Variants in ZNF709 observed in about 807,000 individuals in gnomAD.
The protein encoded by ZNF709 is zinc finger protein 709.
Under a neutral mutation model 10.6 loss-of-function variants are expected in ZNF709, and 15 were observed. The ratio of observed to expected loss-of-function variants is 1.41; its 90% CI spans 0.95 to 2.18. The LOEUF is 2.18. Among genes scored for constraint, ZNF709 ranks in the 30% most tolerant of loss-of-function variants. The pLI, the probability that ZNF709 is intolerant of heterozygous loss-of-function variation, is 0.00. For missense variants in ZNF709, 589 were observed against 774.0 expected (o/e 0.76, Z 2.84); for synonymous variants, 194 against 238.8 (o/e 0.81, Z 1.73).
chr19:12,477,825 T>G (rs1970688938), intron 1 of ZNF709, among the ~76,000 whole-genome samples: 1 of 152,182 alleles, frequency 6.6e-6, no homozygotes, highest in Admixed American at 6.5e-5. Flanking sequence ...ATGTTTGTTT[T>G]GTTTTTGTTT....
At chr19:12,469,369 G>A (rs75712284) in intron 1 of ZNF709, among the ~76,000 whole-genome samples, 2,056 of 152,276 alleles carry the variant, frequency 0.014, 36 homozygotes, top group African/African-American at 0.046. Flanking sequence ...ATTTATCACA[G>A]ACCCAGTGTT....
At position 12,464,303 on chromosome 19, in the gene ZNF709, G is replaced by A. The variant is rs202242871; in HGVS notation, c.1619C>T (p.Ala540Val). 1.4e-5 allele frequency: 22 copies of A among 1,606,672 alleles called. No individual in the cohort carries two copies. Among genetic ancestry groups the A allele is most frequent in the Admixed American group, 8.5e-5 (5 of 58,984 alleles). ...TCGAATGGAACTGGAACAACTAAAC[G>A]CCTTACCACACTGTTTACATTCATA... ...KPYECKQCGKAFSCSSSIRIH... is the reference protein window; with the variant it reads ...KPYECKQCGKVFSCSSSIRIH... The change falls in exon 4 of 4, where the codon GCG becomes GTG. Residue 540 changes from alanine to valine, a missense_variant. By Grantham distance (64) the Ala-to-Val change is moderately conservative. This residue lies in a region of ZNF709 where 171 missense variants were observed against 277.7 expected (regional missense o/e 0.62). Transcript: ENST00000397732.
chr19:12,469,528 G>GAAGGTC (rs1970615957), intron 1 of ZNF709, among the ~76,000 whole-genome samples: 2 of 152,016 alleles, frequency 1.3e-5, no homozygotes, highest in Non-Finnish European at 2.9e-5. Context: ...CAGCACTTTG[G>GAAGGTC]GAGGCTGAGA....
At chr19:12,466,564 C>T (rs980133831) in intron 2 of ZNF709, 45 bp from the exon 3 acceptor site, 2 of 1,609,396 alleles carry the variant, frequency 1.2e-6, no homozygotes, top group Non-Finnish European at 8.5e-7. Flanking sequence ...TTCGAAATTA[C>T]AGAAAAATTA....
rs1442611135 is a variant in ZNF709, at chr19:12,463,725, G to A, written c.*271C>T. 11 of 248,040 alleles carry A rather than the reference G, an allele frequency of 4.4e-5. No homozygotes were observed. Among genetic ancestry groups the A allele is most frequent in the Admixed American group, 1.1e-4 (2 of 18,588 alleles). The allele number at this position is 248,040 out of a possible 1,614,324, so 15.4% of individuals were successfully genotyped here. On this transcript the variant is annotated 3_prime_UTR_variant, in exon 4 of 4. Transcript: ENST00000397732. ...GTGGATCGTCTGAGGTCAGGAGTTC[G>A]AGACCAGCCTGGCCAACATGGCGAA... is the stretch of plus-strand genomic sequence containing the variant.
In ZNF709 at chr19:12,465,239, T is replaced by G; in HGVS notation, c.683A>C (p.Glu228Ala). The G allele has an allele frequency of 6.2e-7, 1 of 1,613,044 alleles. No homozygotes were observed. Among genetic ancestry groups the G allele is most frequent in the Non-Finnish European group, 8.5e-7 (1 of 1,179,130 alleles). ...GGGATGACTGAACGTTTTCCCGCAT[T>G]CTTTACATTTATAGGGTTTCTCCCC... ...HTGEKPYKCK[E>A]CGKTFSHPSS... Residue 228 changes from glutamate to alanine, a missense_variant, in exon 4 of 4, where the codon GAA (glutamate) becomes GCA (alanine). Glu to Ala is a moderately radical substitution (Grantham distance 107). Around this residue, in one of 2 missense-constraint regions of ZNF709, gnomAD observed 418 missense variants for 496.3 expected, o/e 0.84. Coordinates refer to ENST00000397732, the MANE Select transcript of ZNF709 (RefSeq NM_152601.4).
chr19:12,474,661 G>T (rs1034272004), intron 1 of ZNF709, among the ~76,000 whole-genome samples: 10 of 152,096 alleles, frequency 6.6e-5, no homozygotes, highest in African/African-American at 2.2e-4. Flanking sequence ...GTATACCAAG[G>T]TTCCCTTTTC....
chr19:12,468,966 G>A (rs1026482428), intron 1 of ZNF709, among the ~76,000 whole-genome samples: 24 of 151,968 alleles, frequency 1.6e-4, no homozygotes, highest in African/African-American at 5.3e-4. Flanking sequence ...TCAGCCTCCT[G>A]AGTAGCTAGG....
chr19:12,480,473 G>A (rs1221066803), intron 1 of ZNF709, among the ~76,000 whole-genome samples: 8 of 152,092 alleles, frequency 5.3e-5, no homozygotes, highest in Admixed American at 3.3e-4. Flanking sequence ...CATGAGGTCA[G>A]GAGATCAAGA....
intron 2 of ZNF709, 32 bp from the exon 3 acceptor site, chr19:12,466,551 C>G (rs779497495): frequency 6.2e-7 from 1 of 1,612,392 alleles, no homozygotes; most frequent in Non-Finnish European, 8.5e-7. Flanking sequence ...ATCATTAAAC[C>G]TATTCGAAAT....
At position 12,464,173 on chromosome 19, in the gene ZNF709, AGT is replaced by A. The variant is rs1257056629; in HGVS notation, c.1747_1748del (p.Thr583TrpfsTer6). ...SSVRMHERTH[T>X]GVKPYECKQC... ...GTTTACATTCATAGGGTTTCACTCC[AGT>A]GTGAGTCCTTTCATGCATTCGAACA... On this transcript the variant is annotated frameshift_variant, in exon 4 of 4. Coordinates refer to ENST00000397732, the MANE Select transcript of ZNF709 (RefSeq NM_152601.4). LOFTEE classifies it low-confidence loss of function (END_TRUNC). 6 of 1,578,566 alleles carry A rather than the reference AGT, an allele frequency of 3.8e-6. No individual in the cohort carries two copies. The highest frequency in any genetic ancestry group is 5.1e-6 in the Non-Finnish European group (6 of 1,165,800).
intron 1 of ZNF709, among the ~76,000 whole-genome samples, chr19:12,481,910 T>TA (rs34258868): frequency 0.4 from 46,672 of 118,008 alleles, 11,037 homozygotes; most frequent in Non-Finnish European, 0.5. Context: ...GACACTGACT[T>TA]AAAAAAAAAA....
intron 1 of ZNF709, among the ~76,000 whole-genome samples, chr19:12,483,566 T>G (rs1970750111): frequency 1.3e-5 from 2 of 152,010 alleles, no homozygotes; most frequent in South Asian, 4.2e-4. Context: ...AGACAGAGTC[T>G]CACTCTGTCG....
intron 1 of ZNF709, among the ~76,000 whole-genome samples, chr19:12,477,313 C>T (rs1970685277): frequency 6.6e-6 from 1 of 152,176 alleles, no homozygotes. Flanking sequence ...TATATTGAGC[C>T]ATCATAACTA....
At position 12,464,991 on chromosome 19, in the gene ZNF709, T is replaced by C. The variant is rs1568245424; in HGVS notation, c.931A>G (p.Lys311Glu). Residue 311 changes from lysine (K) to glutamate (E), a missense_variant, in exon 4 of 4, where the codon AAA becomes GAA. By Grantham distance (56) the Lys-to-Glu change is moderately conservative. Coordinates refer to ENST00000397732, the MANE Select transcript of ZNF709 (RefSeq NM_152601.4). ...IHTGEKPYKC[K>E]KCGKAFSFPS... is the part of the protein sequence containing the mutation. ...AAACTGAAGGCTTTCCCACATTTTT[T>C]ACATTTATAGGGTTTTTCTCCAGTG... The C allele has an allele frequency of 6.2e-7, 1 of 1,606,992 alleles. No individual in the cohort carries two copies. Among genetic ancestry groups the C allele is most frequent in the Admixed American group, 1.7e-5 (1 of 58,000 alleles).
At chr19:12,468,101 C>T (rs942044760) in intron 1 of ZNF709, among the ~76,000 whole-genome samples, 1 of 148,414 alleles carries the variant, frequency 6.7e-6, no homozygotes, top group Non-Finnish European at 1.5e-5. Flanking sequence ...GGCCAGCCGC[C>T]CAGTCCAGGA....
At chr19:12,473,776 C>G (rs901593960) in intron 1 of ZNF709, among the ~76,000 whole-genome samples, 4 of 152,192 alleles carry the variant, frequency 2.6e-5, no homozygotes, top group African/African-American at 9.7e-5. Flanking sequence ...GGCACAGTGG[C>G]TCACACCTAT....
Position 12,464,831 on chromosome 19 carries a change from TA to T in ZNF709, c.1090del (p.Tyr364IlefsTer222). On this transcript the variant is annotated frameshift_variant, in exon 4 of 4. Transcript: ENST00000397732. LOFTEE classifies it low-confidence loss of function (END_TRUNC). ...HMIMHTGNGPYKCKECGKAFD... is the reference protein window; with the variant it reads ...HMIMHTGNGPXKCKECGKAFD... Reference sequence around the variant, plus strand: ...GGCTTTCCCACATTCCTTGCATTTATAAGGTCCATTTCCAGTGTGCATTATC... The same window carrying T: ...GGCTTTCCCACATTCCTTGCATTTATAGGTCCATTTCCAGTGTGCATTATC... 1 of 1,613,690 alleles carries T rather than the reference TA, an allele frequency of 6.2e-7. No homozygotes were observed. Among genetic ancestry groups the T allele is most frequent in the Non-Finnish European group, 8.5e-7 (1 of 1,179,830 alleles).
At position 12,476,745 on chromosome 19, in the gene ZNF709, G is replaced by A. The variant is rs1382830344; in HGVS notation, c.3+7910C>T. Among the ~76,000 whole-genome samples the A allele has an allele frequency of 2.0e-5, 3 of 152,218 alleles. No homozygotes were observed. In the East Asian group the frequency reaches 5.8e-4, roughly 29 times the overall value. ...TCAGAGGGACAATAGCTATTTCATA[G>A]TAGTGTCAGGGATGGAGCGGCCCTC... is the stretch of plus-strand genomic sequence containing the variant. On this transcript the variant is annotated intron_variant, in intron 1 of 3. Transcript: ENST00000397732.
Sources: allele counts gnomAD v4.1 joint callset (sites outside exome capture counted in the v4.1 genomes callset), GRCh38; gene constraint gnomAD v4.1.1; regional missense constraint gnomAD v4.1.1; transcripts MANE v1.5; gene names NCBI Gene and HGNC (gene_info 2026-07-23, HGNC 2026-07-21).